The following HDAC4 variants were observed in gnomAD, a reference collection of about 807,000 sequenced individuals.
HDAC4 encodes histone deacetylase A.
A neutral mutation model predicts 135.1 loss-of-function variants in HDAC4; 16 were observed. The observed-to-expected ratio is 0.12, with a 90% confidence interval of 0.08 to 0.18. The LOEUF is 0.18. HDAC4 is among the 10% of genes least tolerant of loss of function. The pLI is 1.00. For synonymous variants in HDAC4, 685 were observed against 653.4 expected, an observed-to-expected ratio of 1.05 and a Z score of -0.74; for missense variants, 1,143 against 1,511.8, an observed-to-expected ratio of 0.76 and a Z score of 4.05.
chr2:239,131,792 A>G (rs2040605729), intron 11 of HDAC4, among the ~76,000 whole-genome samples: 1 of 152,214 alleles, frequency 6.6e-6, no homozygotes, highest in Admixed American at 6.5e-5. Flanking sequence ...CGTGCACTGG[A>G]TGTGGTGCAC....
Position 239,298,461 on chromosome 2 carries a change from G to A in HDAC4, c.22+54217C>T, listed in dbSNP as rs1194820424. The A allele has an allele frequency of 3.5e-6, 4 of 1,134,992 alleles. No homozygotes were observed. The East Asian group carries it at 1.8e-4, about 52-fold the overall frequency. 70.3% of individuals were successfully genotyped at this position (1,134,992 alleles called of 1,614,324 possible). ...ACACCGTGGATACTCTAGGGTCCCA[G>A]CAACCCCAGCTATTACAATCACACT... On this transcript the variant is annotated intron_variant, in intron 2 of 26. Transcript: ENST00000543185.
intron 1 of HDAC4, among the ~76,000 whole-genome samples, chr2:239,393,982 C>T (rs1176935387): frequency 3.3e-5 from 5 of 150,852 alleles, no homozygotes. Context: ...CCTCCACCCC[C>T]AACCCCACCA....
At chr2:239,244,713 T>C (rs769354407) in intron 2 of HDAC4, among the ~76,000 whole-genome samples, 2 of 152,152 alleles carry the variant, frequency 1.3e-5, no homozygotes, top group Admixed American at 6.5e-5. Flanking sequence ...GGGGTCTCCA[T>C]CTGCCACCTC....
chr2:239,346,568 C>T (rs1384942066), intron 2 of HDAC4, among the ~76,000 whole-genome samples: 2 of 85,412 alleles, frequency 2.3e-5, no homozygotes, highest in Non-Finnish European at 3.4e-5. Flanking sequence ...CACACACACA[C>T]ACACACACAG....
At chr2:239,347,677 GCTAAT>G (rs1692812148) in intron 2 of HDAC4, among the ~76,000 whole-genome samples, 1 of 152,098 alleles carries the variant, frequency 6.6e-6, no homozygotes, top group Non-Finnish European at 1.5e-5. Flanking sequence ...ACCACGCCTG[GCTAAT>G]TTTTGTGTTT....
Position 239,053,574 on chromosome 2 carries a change from G to A in HDAC4, c.3116C>T (p.Thr1039Ile), listed in dbSNP as rs2106391362. 1 of 1,613,908 alleles carries A rather than the reference G, an allele frequency of 6.2e-7. No homozygotes were observed. Among genetic ancestry groups the A allele is most frequent in the South Asian group, 1.1e-5 (1 of 91,078 alleles). Residue 1039 changes from threonine to isoleucine, a missense_variant, in exon 26 of 27, where the codon ACA (threonine) becomes ATA (isoleucine). Thr to Ile is a moderately conservative substitution (Grantham distance 89, BLOSUM62 -1). Coordinates refer to ENST00000543185, the MANE Select transcript of HDAC4 (RefSeq NM_001378414.1). ...HSKYWRCLQR[T>I]TSTAGRSLIE... is the part of the protein sequence containing the mutation. ...CAGAGAACGCCCCGCTGTGGAGGTT[G>A]TGCGCTGCAGGCAGCGCCAGTACTT... is the stretch of plus-strand genomic sequence containing the variant.
rs74000651 is a variant in HDAC4 at position 239,090,451 on chromosome 2, T to A, written c.2281-335A>T. Reference sequence around the variant, plus strand: ...ATTTCCTTTTTTTTTTTTTTTTTTTTAACTGGAACTGTAGTTAAGAGAGTT... The same window carrying A: ...ATTTCCTTTTTTTTTTTTTTTTTTTAAACTGGAACTGTAGTTAAGAGAGTT... On this transcript the variant is annotated intron_variant, in intron 17 of 26. Transcript: ENST00000543185. Among the ~76,000 whole-genome samples, 2,150 of 127,620 alleles carry A rather than the reference T, an allele frequency of 0.017. 51 individuals are homozygous for A. Among genetic ancestry groups the A allele is most frequent in the African/African-American group, 0.063 (2,049 of 32,456 alleles). The allele number at this position is 127,620 out of a possible 152,430, so 83.7% of individuals were successfully genotyped here. A position where few individuals can be genotyped will look rare whatever the true frequency, so the allele number is the denominator to read the frequency against.
chr2:239,084,185 C>T lies in HDAC4; in HGVS notation c.2502G>A (p.Leu834=). 6.2e-7 allele frequency: 1 copy of T among 1,613,506 alleles called. No homozygotes were observed. The highest frequency in any genetic ancestry group is 8.5e-7 in the Non-Finnish European group (1 of 1,179,642). ...AVAAKLLQQR[L]SVSKILIVDW... ...CCACGATGAGGATCTTGCTCACGCT[C>T]AACCTCTGCTGCAGAAGCTTGGCTG... The change falls in exon 20 of 27, where the codon TTG becomes TTA. Residue 834 remains leucine (L), a synonymous_variant. Coordinates refer to ENST00000543185, the MANE Select transcript of HDAC4 (RefSeq NM_001378414.1).
At chr2:239,289,880 T>G (rs182279850) in intron 2 of HDAC4, among the ~76,000 whole-genome samples, 3 of 152,346 alleles carry the variant, frequency 2.0e-5, no homozygotes, top group Non-Finnish European at 4.4e-5. Flanking sequence ...TAATCATCCT[T>G]CAAATTACAC....
chr2:239,283,709 G>T (rs748408600), intron 2 of HDAC4, among the ~76,000 whole-genome samples: 1 of 152,180 alleles, frequency 6.6e-6, no homozygotes, highest in Non-Finnish European at 1.5e-5. Context: ...CCACTTCCGC[G>T]AGCGGTAACA....
chr2:239,081,240 C>A (rs2035291332), intron 21 of HDAC4, 48 bp from the exon 22 acceptor site: 1 of 1,515,472 alleles, frequency 6.6e-7, no homozygotes, highest in African/African-American at 1.4e-5. Flanking sequence ...CGAGCGGGAC[C>A]TGTCTGACAG....
chr2:239,234,861 T>C (rs2047791754), intron 3 of HDAC4, among the ~76,000 whole-genome samples: 1 of 152,156 alleles, frequency 6.6e-6, no homozygotes, highest in Non-Finnish European at 1.5e-5. Flanking sequence ...TATGCATATT[T>C]ACCATCTTTT....
chr2:239,056,101 G>T (rs923568400), intron 24 of HDAC4, among the ~76,000 whole-genome samples: 12 of 152,184 alleles, frequency 7.9e-5, no homozygotes, highest in Non-Finnish European at 1.6e-4. Context: ...TGGCAGCTCC[G>T]CCAGGCCAGG....
chr2:239,083,654 G>A (rs1049560943), intron 20 of HDAC4, among the ~76,000 whole-genome samples: 9 of 152,114 alleles, frequency 5.9e-5, no homozygotes, highest in Non-Finnish European at 1.3e-4. Context: ...ATTCAGATTC[G>A]GACATCATAT....
intron 2 of HDAC4, among the ~76,000 whole-genome samples, chr2:239,275,470 C>T (rs977474341): frequency 6.6e-6 from 1 of 152,216 alleles, no homozygotes; most frequent in Non-Finnish European, 1.5e-5. Flanking sequence ...ATCATGTATG[C>T]ACACGGAGCT....
intron 2 of HDAC4, among the ~76,000 whole-genome samples, chr2:239,280,235 A>G (rs2050625473): frequency 6.6e-6 from 1 of 151,838 alleles, no homozygotes; most frequent in African/African-American, 2.4e-5. Flanking sequence ...AATGCCAGCA[A>G]CCCAAGAGTG....
At chr2:239,324,896 A>C (rs1272902438) in intron 2 of HDAC4, among the ~76,000 whole-genome samples, 2 of 152,220 alleles carry the variant, frequency 1.3e-5, no homozygotes, top group Non-Finnish European at 2.9e-5. Context: ...CTGGGAAGGA[A>C]GAACAACTGC....
intron 9 of HDAC4, among the ~76,000 whole-genome samples, chr2:239,137,734 G>A (rs1211853970): frequency 6.6e-6 from 1 of 152,150 alleles, no homozygotes; most frequent in East Asian, 1.9e-4. Context: ...AAGCACAGGT[G>A]TTCTCACAGA....
intron 20 of HDAC4, 57 bp downstream of exon 20, chr2:239,084,098 G>T: frequency 8.0e-7 from 1 of 1,251,056 alleles, no homozygotes; most frequent in Non-Finnish European, 1.2e-6. Flanking sequence ...GCTGCTGTCC[G>T]CTCGGGGACG....
Sources: allele counts gnomAD v4.1 joint callset (sites outside exome capture counted in the v4.1 genomes callset), GRCh38; gene constraint gnomAD v4.1.1; transcripts MANE v1.5; gene names NCBI Gene and HGNC (gene_info 2026-07-23, HGNC 2026-07-21).